Variants in VPS9D1 observed in about 807,000 individuals in gnomAD.
VPS9D1 encodes the protein VPS9 domain containing 1, also known as VPS9 domain-containing protein 1.
Under a neutral mutation model 75.8 loss-of-function variants are expected in VPS9D1, and 78 were observed. That is an observed-to-expected ratio of 1.03 (90% confidence interval 0.86 to 1.24). The LOEUF is 1.24. VPS9D1 is among the 50% of genes most tolerant of loss of function. The pLI is 0.00. For synonymous variants in VPS9D1, 481 were observed against 385.6 expected, an observed-to-expected ratio of 1.25 and a Z score of -2.90; for missense variants, 1,057 against 847.7, an observed-to-expected ratio of 1.25 and a Z score of -3.07.
intron 2 of VPS9D1, chr16:89,718,095 CCT>C (rs1049577821): frequency 8.8e-6 from 4 of 455,470 alleles, no homozygotes; most frequent in Non-Finnish European, 1.8e-5. Context: ...AGTGGCTCCC[CCT>C]GACCTCTGTG....
chr16:89,717,997 G>A (rs1289312696), intron 2 of VPS9D1: 8 of 428,434 alleles, frequency 1.9e-5, no homozygotes, highest in East Asian at 7.3e-5. Context: ...TGGCTCCCCC[G>A]ACCTCTGTGC....
At chr16:89,708,368 G>T in intron 14 of VPS9D1, 59 bp downstream of exon 14, 2 of 1,494,138 alleles carry the variant, frequency 1.3e-6, no homozygotes, top group Non-Finnish European at 9.1e-7. Flanking sequence ...CGTTTAGGTT[G>T]AGGGATGAGG....
Position 89,716,837 on chromosome 16 carries a change from A to G in VPS9D1, c.176-15T>C, listed in dbSNP as rs372977212. 1.5e-5 allele frequency: 24 copies of G among 1,582,170 alleles called. No homozygotes were observed. Among genetic ancestry groups the G allele is most frequent in the Non-Finnish European group, 2.0e-5 (23 of 1,170,156 alleles). ...TTCCCCAGCTTCTGGGGGAGGGACA[A>G]GAAGGCTGGTCACAGTCGGCTCTAC... On this transcript the variant is annotated splice_polypyrimidine_tract_variant and intron_variant, in intron 2 of 14. Coordinates refer to ENST00000389386, the MANE Select transcript of VPS9D1 (RefSeq NM_004913.3).
Position 89,707,803 on chromosome 16 carries a change from G to A in VPS9D1, c.*58C>T, listed in dbSNP as rs994070091. The A allele has an allele frequency of 1.6e-5, 24 of 1,504,452 alleles. No individual in the cohort carries two copies. Among genetic ancestry groups the A allele is most frequent in the African/African-American group, 4.1e-5 (3 of 72,700 alleles). The allele number at this position is 1,504,452 out of a possible 1,614,324, so 93.2% of individuals were successfully genotyped here. A position where few individuals can be genotyped will look rare whatever the true frequency, so the allele number is the denominator to read the frequency against. ...GTAGATCCCATGGCTCCAGGTGTAGGAGAGACAGCCCTGGGAGGCGAGGCC... is the reference window on the plus strand; with the variant it reads ...GTAGATCCCATGGCTCCAGGTGTAGAAGAGACAGCCCTGGGAGGCGAGGCC... On this transcript the variant is annotated 3_prime_UTR_variant, in exon 15 of 15. Transcript: ENST00000389386.
At chr16:89,713,846 A>G (rs1364892187) in intron 4 of VPS9D1, among the ~76,000 whole-genome samples, 1 of 151,920 alleles carries the variant, frequency 6.6e-6, no homozygotes, top group Non-Finnish European at 1.5e-5. Context: ...GTCTCTATTA[A>G]AAATACAAAA....
intron 2 of VPS9D1, chr16:89,718,078 T>C (rs752086189): frequency 1.8e-4 from 79 of 447,158 alleles, no homozygotes; most frequent in African/African-American, 1.0e-3. Context: ...CTCTGTGCTC[T>C]ATGTCCAGTG....
chr16:89,708,598 G>A (rs2060842792), intron 13 of VPS9D1, 67 bp from the exon 14 acceptor site: 3 of 1,510,160 alleles, frequency 2.0e-6, no homozygotes, highest in African/African-American at 2.7e-5. Flanking sequence ...CCCAGCAGCT[G>A]TGGAGCCATC....
Position 89,709,285 on chromosome 16 carries a change from G to A in VPS9D1, c.1539C>T (p.Ala513=). ...GATGYPYCAA[A]QELGLLVLES... The stretch of plus-strand genomic sequence containing the variant: ...CCAGGACCAGCAGTCCGAGCTCCTG[G>A]GCCGCCGCGCAGTAGGGGTAGCCAG... The change falls in exon 12 of 15, where the codon GCC becomes GCT. Residue 513 remains alanine, a synonymous_variant. Transcript: ENST00000389386. The A allele has an allele frequency of 6.2e-7, 1 of 1,610,620 alleles. No individual in the cohort carries two copies. The highest frequency in any genetic ancestry group is 1.8e-4 in the Middle Eastern group (1 of 5,498).
chr16:89,713,922 A>C (rs2061000979), intron 4 of VPS9D1, among the ~76,000 whole-genome samples: 1 of 151,954 alleles, frequency 6.6e-6, no homozygotes, highest in Non-Finnish European at 1.5e-5. Flanking sequence ...TGTCTCAAAA[A>C]ATCACTGAGG....
chr16:89,712,302 C>A (rs780821945), intron 6 of VPS9D1, 158 bp downstream of exon 6: 133 of 1,341,610 alleles, frequency 9.9e-5, no homozygotes, highest in Non-Finnish European at 1.3e-4. Flanking sequence ...GGCGGCCGGG[C>A]CTTCCCCTGA....
In VPS9D1 at chr16:89,712,674, C is replaced by A; in HGVS notation, c.474G>T (p.Lys158Asn). The A allele has an allele frequency of 6.2e-7, 1 of 1,611,956 alleles. No individual in the cohort carries two copies. The highest frequency in any genetic ancestry group is 8.5e-7 in the Non-Finnish European group (1 of 1,178,692). ...PLEEASLQNQ[K>N]LKAAYEARMA... ...TTCGGGCCTCATACGCAGCCTTCAG[C>A]TTCTGATTCTGCAGGGAGGCCTCCT... Residue 158 changes from lysine (K) to asparagine (N), a missense_variant, in exon 5 of 15, where the codon AAG becomes AAT. Lys to Asn is a moderately conservative substitution (Grantham distance 94, BLOSUM62 0). Coordinates refer to ENST00000389386, the MANE Select transcript of VPS9D1 (RefSeq NM_004913.3).
chr16:89,711,732 A>C (rs1274121987), intron 8 of VPS9D1, 150 bp downstream of exon 8: 12 of 907,108 alleles, frequency 1.3e-5, no homozygotes, highest in Admixed American at 6.6e-5. Flanking sequence ...CCGCCCCCTC[A>C]CCGGGCCCTC....
intron 9 of VPS9D1, 152 bp downstream of exon 9, chr16:89,711,175 G>C: frequency 8.7e-7 from 1 of 1,143,292 alleles, no homozygotes; most frequent in African/African-American, 1.6e-5. Flanking sequence ...GAGAAGCCGA[G>C]GAAACGCCCT....
At chr16:89,711,847 T>C (rs1174698137) in intron 8 of VPS9D1, 35 bp downstream of exon 8, 2 of 1,543,250 alleles carry the variant, frequency 1.3e-6, no homozygotes, top group Non-Finnish European at 1.8e-6. Flanking sequence ...CTCGCTGGGC[T>C]CCTCCTACAA....
In VPS9D1 at chr16:89,711,214, T is replaced by A. The variant is rs867933859; in HGVS notation, c.833+113A>T. ...CGCAAAGGGAGCTGCAGTGTCCACG[T>A]GGCCGGGCACAGGCTCCCTGTGTCA... On this transcript the variant is annotated intron_variant, in intron 9 of 14. Coordinates refer to ENST00000389386, the MANE Select transcript of VPS9D1 (RefSeq NM_004913.3). 22 of 1,285,100 alleles carry A rather than the reference T, an allele frequency of 1.7e-5. No individual in the cohort carries two copies. The African/African-American group carries it at 2.1e-4, about 12-fold the overall frequency. The allele number at this position is 1,285,100 out of a possible 1,614,324, so 79.6% of individuals were successfully genotyped here.
At chr16:89,710,351 C>T (rs1045466717) in intron 10 of VPS9D1, among the ~76,000 whole-genome samples, 7 of 151,984 alleles carry the variant, frequency 4.6e-5, no homozygotes, top group Non-Finnish European at 7.4e-5. Flanking sequence ...TTTGGGAGGC[C>T]GGGGTGGGCA....
chr16:89,707,979 G>A lies in VPS9D1; in HGVS notation c.1803-25C>T, dbSNP rs761486020. 5.6e-6 allele frequency: 9 copies of A among 1,606,626 alleles called. No individual in the cohort carries two copies. In the Admixed American group the frequency reaches 1.3e-4, roughly 24 times the overall value. On this transcript the variant is annotated intron_variant, in intron 14 of 14. Transcript: ENST00000389386. ...CCTGCATGGATGGCAGGGGCAGCCG[G>A]TGTCATCTGAACGAACAGAAGGATA...
At chr16:89,715,225 A>ATT (rs56372825) in intron 4 of VPS9D1, among the ~76,000 whole-genome samples, 9 of 113,662 alleles carry the variant, frequency 7.9e-5, no homozygotes, top group East Asian at 7.2e-4. Flanking sequence ...TCCCAGCTAA[A>ATT]TTTTTTTTTT....
At chr16:89,712,919 C>T (rs1031769447) in intron 4 of VPS9D1, 2 of 488,286 alleles carry the variant, frequency 4.1e-6, no homozygotes. Flanking sequence ...TGCAGTGGCT[C>T]CCGCCTCTAA....
Sources: allele counts gnomAD v4.1 joint callset (sites outside exome capture counted in the v4.1 genomes callset), GRCh38; gene constraint gnomAD v4.1.1; transcripts MANE v1.5; gene names NCBI Gene and HGNC (gene_info 2026-07-23, HGNC 2026-07-21).